The following RASGRF2 variants were observed in gnomAD, a reference collection of about 807,000 sequenced individuals.
The protein encoded by RASGRF2 is ras-specific guanine nucleotide-releasing factor 2.
Under a neutral mutation model 151.0 loss-of-function variants are expected in RASGRF2, and 76 were observed. The observed-to-expected ratio is 0.50, with a 90% confidence interval of 0.42 to 0.61. The LOEUF (loss-of-function observed/expected upper bound fraction) is 0.61. RASGRF2 is among the 20% of genes least tolerant of loss of function. The pLI, the probability that RASGRF2 is intolerant of heterozygous loss-of-function variation, is 0.00. For synonymous variants in RASGRF2, 504 were observed against 566.5 expected (o/e 0.89, Z 1.57); for missense variants, 1,148 against 1,564.6 (o/e 0.73, Z 4.49).
chr5:81,085,698 G>A, intron 7 of RASGRF2, 104 bp from the exon 8 acceptor site: 3 of 1,511,824 alleles, frequency 2.0e-6, no homozygotes, highest in Non-Finnish European at 2.7e-6. Flanking sequence ...AGTAAAAAGT[G>A]GGAGAGTAGA....
intron 1 of RASGRF2, among the ~76,000 whole-genome samples, chr5:81,018,914 T>C (rs891933097): frequency 4.6e-5 from 7 of 151,340 alleles, no homozygotes; most frequent in African/African-American, 1.7e-4. Flanking sequence ...GTGATTCTCA[T>C]GCCTCAGCCT....
At chr5:81,205,875 C>T (rs746117390) in intron 19 of RASGRF2, among the ~76,000 whole-genome samples, 3 of 152,266 alleles carry the variant, frequency 2.0e-5, no homozygotes, top group Admixed American at 1.3e-4. Context: ...CTCAGCCTCC[C>T]GAGTAGCTGG....
chr5:81,215,803 C>T (rs1251695476), intron 23 of RASGRF2, 73 bp from the exon 24 acceptor site: 2 of 1,406,806 alleles, frequency 1.4e-6, no homozygotes, highest in East Asian at 2.7e-5. Context: ...GAGAACTGAA[C>T]ATCTTTTGGC....
intron 1 of RASGRF2, among the ~76,000 whole-genome samples, chr5:80,984,740 T>C (rs929419167): frequency 6.6e-5 from 10 of 152,242 alleles, no homozygotes; most frequent in Non-Finnish European, 1.3e-4. Context: ...TAGAATGTTG[T>C]CATTAATAAT....
At chr5:81,166,251 A>G (rs1461735439) in intron 17 of RASGRF2, among the ~76,000 whole-genome samples, 1 of 152,022 alleles carries the variant, frequency 6.6e-6, no homozygotes, top group East Asian at 1.9e-4. Flanking sequence ...CAGTGGCGCC[A>G]TCTCAGCTCA....
chr5:81,003,749 G>A (rs564106977), intron 1 of RASGRF2, among the ~76,000 whole-genome samples: 4 of 152,282 alleles, frequency 2.6e-5, no homozygotes, highest in African/African-American at 9.6e-5. Context: ...TTACTTGCAG[G>A]TATCAAAATA....
At chr5:81,048,655 T>A (rs1194921415) in intron 2 of RASGRF2, among the ~76,000 whole-genome samples, 2 of 152,158 alleles carry the variant, frequency 1.3e-5, no homozygotes, top group Non-Finnish European at 2.9e-5. Flanking sequence ...GCGCACACCA[T>A]CTCACCTGCA....
intron 18 of RASGRF2, among the ~76,000 whole-genome samples, chr5:81,183,683 A>C (rs1166864726): frequency 3.3e-5 from 5 of 152,180 alleles, no homozygotes; most frequent in African/African-American, 1.2e-4. Context: ...CTTGTCTATC[A>C]ATCAGCAGAG....
chr5:81,035,119 C>A (rs1300052071), intron 1 of RASGRF2, among the ~76,000 whole-genome samples: 1 of 152,016 alleles, frequency 6.6e-6, no homozygotes, highest in Non-Finnish European at 1.5e-5. Flanking sequence ...TGTGTATATA[C>A]CCAAAGGATT....
At chr5:81,133,248 C>G (rs1309079800) in intron 17 of RASGRF2, among the ~76,000 whole-genome samples, 1 of 152,168 alleles carries the variant, frequency 6.6e-6, no homozygotes, top group Non-Finnish European at 1.5e-5. Context: ...TGTATTGCCA[C>G]CCCGATTTCC....
chr5:81,223,627 C>T (rs1390178996), intron 26 of RASGRF2, among the ~76,000 whole-genome samples: 3 of 150,588 alleles, frequency 2.0e-5, no homozygotes, highest in Admixed American at 6.6e-5. Context: ...GGCGACAGAG[C>T]GAGACTCCGT....
chr5:81,071,394 A>T (rs917411878), intron 4 of RASGRF2, among the ~76,000 whole-genome samples: 1 of 152,176 alleles, frequency 6.6e-6, no homozygotes, highest in African/African-American at 2.4e-5. Context: ...ATGTTTGTTG[A>T]TTGGCTAAAA....
chr5:81,096,089 C>G (rs1752538943), intron 12 of RASGRF2: 2 of 152,078 alleles, frequency 1.3e-5, no homozygotes, highest in African/African-American at 4.8e-5. Context: ...CTGTTTAGCG[C>G]TCTAAACATC....
intron 13 of RASGRF2, among the ~76,000 whole-genome samples, chr5:81,111,572 C>G (rs1424611866): frequency 6.6e-6 from 1 of 151,924 alleles, no homozygotes; most frequent in Non-Finnish European, 1.5e-5. Flanking sequence ...ATGGATTACA[C>G]AGTATTCAGA....
chr5:81,013,256 T>G (rs1335904802), intron 1 of RASGRF2, among the ~76,000 whole-genome samples: 1 of 152,228 alleles, frequency 6.6e-6, no homozygotes, highest in African/African-American at 2.4e-5. Context: ...TCCTTGGAAC[T>G]TCCCTTCACA....
intron 17 of RASGRF2, among the ~76,000 whole-genome samples, chr5:81,163,074 G>A (rs994117821): frequency 6.6e-6 from 1 of 152,156 alleles, no homozygotes; most frequent in Non-Finnish European, 1.5e-5. Context: ...CAGTGATCAG[G>A]AAGCTGCCGC....
intron 17 of RASGRF2, among the ~76,000 whole-genome samples, chr5:81,138,649 G>T (rs1415958000): frequency 1.3e-5 from 2 of 152,116 alleles, no homozygotes; most frequent in Admixed American, 1.3e-4. Flanking sequence ...CTGTCATGCT[G>T]GTCCACACTC....
chr5:81,156,592 C>A (rs1754264863), intron 17 of RASGRF2, among the ~76,000 whole-genome samples: 2 of 152,010 alleles, frequency 1.3e-5, no homozygotes, highest in African/African-American at 4.8e-5. Context: ...ATGATAAAAA[C>A]CGTATGATTA....
chr5:81,024,249 A>ATTTTTTTTTTTTTTTTTTTT lies in RASGRF2; in HGVS notation c.289-18620_289-18601dup, dbSNP rs397884951. On this transcript the variant is annotated intron_variant, in intron 1 of 26. Transcript: ENST00000265080. ...CTCCAGGACTAGAGGTATTCATATA[A>ATTTTTTTTTTTTTTTTTTTT]TTTTTTTTTTTTTTTTTTTTTTTTT... Among the ~76,000 whole-genome samples the ATTTTTTTTTTTTTTTTTTTT allele has an allele frequency of 1.3e-3, 94 of 71,686 alleles. 3 individuals are homozygous for ATTTTTTTTTTTTTTTTTTTT. Among genetic ancestry groups the ATTTTTTTTTTTTTTTTTTTT allele is most frequent in the African/African-American group, 2.4e-3 (38 of 15,738 alleles). 47.0% of individuals were successfully genotyped at this position (71,686 alleles called of 152,430 possible).
Sources: gnomAD v4.1 joint callset for allele counts (sites outside exome capture counted in the v4.1 genomes callset) on GRCh38, gnomAD v4.1.1 for gene constraint, MANE v1.5 for transcripts, NCBI Gene and HGNC (gene_info 2026-07-23, HGNC 2026-07-21) for gene names.